NTRK2: variants seen among roughly 807,000 people sequenced by gnomAD.
The protein encoded by NTRK2 is BDNF/NT-3 growth factors receptor.
In NTRK2, 13 loss-of-function variants were observed where a neutral mutation model predicts 94.5. The observed-to-expected ratio is 0.14, with a 90% CI of 0.09 to 0.22. NTRK2 has a LOEUF of 0.22. Ranked by LOEUF, NTRK2 falls within the 10% of genes least tolerant of loss-of-function variation. The probability of loss-of-function intolerance (pLI) is 1.00; values close to 1 mark genes in which losing one functional copy is unlikely to be tolerated. For missense variants in NTRK2, 639 were observed against 1,071.2 expected (o/e 0.60, Z 5.63); for synonymous variants, 372 against 407.4 (o/e 0.91, Z 1.05).
At chr9:84,715,801 C>T (rs2061677410) in intron 6 of NTRK2, among the ~76,000 whole-genome samples, 1 of 152,094 alleles carries the variant, frequency 6.6e-6, no homozygotes, top group Non-Finnish European at 1.5e-5. Context: ...CTGCTCAATT[C>T]CTGCACACTT....
At chr9:84,862,961 G>A (rs2075401790) in intron 13 of NTRK2, among the ~76,000 whole-genome samples, 1 of 152,142 alleles carries the variant, frequency 6.6e-6, no homozygotes. Flanking sequence ...CATCTGGAAG[G>A]TGGTTGGGGT....
intron 7 of NTRK2, 79 bp downstream of exon 7, chr9:84,723,788 G>T: frequency 6.4e-7 from 1 of 1,560,176 alleles, no homozygotes; most frequent in South Asian, 1.1e-5. Context: ...ACCTAGTGAT[G>T]ATCATTTGAT....
chr9:84,795,683 C>T (rs1189424536), intron 12 of NTRK2, among the ~76,000 whole-genome samples: 1 of 152,178 alleles, frequency 6.6e-6, no homozygotes, highest in Non-Finnish European at 1.5e-5. Flanking sequence ...AGTGCCTCAT[C>T]CTCAGCGTCT....
intron 12 of NTRK2, among the ~76,000 whole-genome samples, chr9:84,805,945 C>T (rs767388112): frequency 1.3e-5 from 2 of 152,250 alleles, no homozygotes; most frequent in Non-Finnish European, 2.9e-5. Flanking sequence ...GCCCCTTGAC[C>T]TTGGACTTGT....
chr9:84,976,263 C>T (rs758350919), intron 17 of NTRK2, among the ~76,000 whole-genome samples: 5 of 152,326 alleles, frequency 3.3e-5, no homozygotes, highest in Middle Eastern at 3.4e-3. Context: ...GGCTTGCAGA[C>T]GGCCACCTTC....
intron 17 of NTRK2, among the ~76,000 whole-genome samples, chr9:84,971,353 A>G (rs1425586728): frequency 1.3e-5 from 2 of 152,186 alleles, no homozygotes; most frequent in African/African-American, 2.4e-5. Context: ...CCACAAACAC[A>G]TATTGAACAA....
chr9:84,724,411 A>T, intron 8 of NTRK2, 55 bp downstream of exon 8: 1 of 1,610,778 alleles, frequency 6.2e-7, no homozygotes, highest in Non-Finnish European at 8.5e-7. Flanking sequence ...GGACGTACCT[A>T]CGTTTGTTGC....
chr9:84,801,085 C>T (rs570307234), intron 12 of NTRK2, among the ~76,000 whole-genome samples: 2 of 152,300 alleles, frequency 1.3e-5, no homozygotes, highest in South Asian at 4.1e-4. Flanking sequence ...ACTGCTCGTG[C>T]CTGCGAATGG....
intron 2 of NTRK2, among the ~76,000 whole-genome samples, chr9:84,695,077 CACA>C (rs2060296158): frequency 7.1e-6 from 1 of 140,452 alleles, no homozygotes; most frequent in African/African-American, 2.7e-5. Flanking sequence ...AAAAAAAACA[CACA>C]ACAAAAAACT....
At chr9:85,014,930 C>T (rs897933458) in intron 17 of NTRK2, among the ~76,000 whole-genome samples, 3 of 151,966 alleles carry the variant, frequency 2.0e-5, no homozygotes, top group Admixed American at 6.6e-5. Flanking sequence ...TTTTAAAAAC[C>T]GGATCCATTT....
chr9:84,763,830 A>G (rs76340065), intron 12 of NTRK2, among the ~76,000 whole-genome samples: 3 of 145,970 alleles, frequency 2.1e-5, no homozygotes, highest in Admixed American at 1.4e-4. Context: ...CATGCGTTGC[A>G]TTTTTTTTTT....
At chr9:84,993,182 C>T (rs1588137275) in intron 17 of NTRK2, among the ~76,000 whole-genome samples, 1 of 152,080 alleles carries the variant, frequency 6.6e-6, no homozygotes, top group South Asian at 2.1e-4. Flanking sequence ...TCTCAAGGCC[C>T]CTTCCCAGTC....
At chr9:84,926,197 T>C (rs987363973) in intron 14 of NTRK2, among the ~76,000 whole-genome samples, 1 of 141,146 alleles carries the variant, frequency 7.1e-6, no homozygotes, top group African/African-American at 2.7e-5. Flanking sequence ...TTTCTTTCTT[T>C]CTTTCTTTCT....
intron 14 of NTRK2, among the ~76,000 whole-genome samples, chr9:84,897,689 G>A (rs1190189896): frequency 2.0e-5 from 3 of 152,228 alleles, no homozygotes; most frequent in Non-Finnish European, 4.4e-5. Context: ...GAAGTGCAGA[G>A]TGTGGAAGCA....
chr9:84,746,866 T>C (rs750902344), intron 11 of NTRK2, among the ~76,000 whole-genome samples: 1 of 152,216 alleles, frequency 6.6e-6, no homozygotes, highest in Non-Finnish European at 1.5e-5. Flanking sequence ...ACCCCATTTA[T>C]TTGTTTGTTT....
At chr9:84,751,674 C>T (rs561807130) in intron 11 of NTRK2, among the ~76,000 whole-genome samples, 1 of 152,326 alleles carries the variant, frequency 6.6e-6, no homozygotes, top group African/African-American at 2.4e-5. Flanking sequence ...CTTTCTCTCT[C>T]TCCTCCCTCT....
intron 12 of NTRK2, among the ~76,000 whole-genome samples, chr9:84,758,959 C>G (rs1409501288): frequency 6.6e-6 from 1 of 152,136 alleles, no homozygotes; most frequent in East Asian, 1.9e-4. Flanking sequence ...AAAATAGTAT[C>G]AGAGAAATAA....
At chr9:84,798,294 T>G (rs1344239527) in intron 12 of NTRK2, among the ~76,000 whole-genome samples, 1 of 152,150 alleles carries the variant, frequency 6.6e-6, no homozygotes, top group Non-Finnish European at 1.5e-5. Flanking sequence ...CCCCACCTGT[T>G]AATATCATCA....
chr9:84,779,543 C>A (rs943069828), intron 12 of NTRK2, among the ~76,000 whole-genome samples: 2 of 152,178 alleles, frequency 1.3e-5, no homozygotes, highest in African/African-American at 4.8e-5. Flanking sequence ...CACACTGAGA[C>A]AAATTAGCTT....
Sources: gnomAD v4.1 joint callset for allele counts (sites outside exome capture counted in the v4.1 genomes callset) on GRCh38, gnomAD v4.1.1 for gene constraint, MANE v1.5 for transcripts, NCBI Gene and HGNC (gene_info 2026-07-23, HGNC 2026-07-21) for gene names.